Variants in XIRP2 observed in about 807,000 individuals in gnomAD.
XIRP2 encodes xin actin binding repeat containing 2.
Under a neutral mutation model 277.0 loss-of-function variants are expected in XIRP2, and 236 were observed. The ratio of observed to expected loss-of-function variants is 0.85; its 90% CI spans 0.77 to 0.95. The LOEUF is 0.95. Ranked by LOEUF, XIRP2 falls within the 40% of genes least tolerant of loss-of-function variation. The pLI is 0.00. For missense variants in XIRP2, 4,640 were observed against 4,157.5 expected (o/e 1.12, Z -3.19); for synonymous variants, 1,490 against 1,416.5 (o/e 1.05, Z -1.17).
chr2:167,247,952 T>C lies in XIRP2; in HGVS notation c.6560T>C (p.Leu2187Ser), dbSNP rs763956050. Residue 2187 changes from leucine (L) to serine (S), a missense_variant, in exon 9 of 11, where the codon TTG becomes TCG. Transcript: ENST00000409195. ...DLSGDFQKQT[L>S]LKQETKYSNK... ...TCAGGGGACTTTCAGAAGCAAACTT[T>C]GTTAAAGCAAGAAACAAAATATTCT... 1 of 1,609,146 alleles carries C rather than the reference T, an allele frequency of 6.2e-7. No individual in the cohort carries two copies. Among genetic ancestry groups the C allele is most frequent in the Non-Finnish European group, 8.5e-7 (1 of 1,178,722 alleles).
chr2:167,100,948 T>C (rs528642279), intron 2 of XIRP2, among the ~76,000 whole-genome samples: 13 of 152,324 alleles, frequency 8.5e-5, no homozygotes, highest in African/African-American at 3.1e-4. Context: ...CGACTTTCTT[T>C]TGCTTTTAGT....
At chr2:166,902,284 T>C (rs2105335360) in intron 1 of XIRP2, among the ~76,000 whole-genome samples, 1 of 152,236 alleles carries the variant, frequency 6.6e-6, no homozygotes, top group African/African-American at 2.4e-5. Context: ...AAACTATTGT[T>C]TAATGAACAC....
intron 1 of XIRP2, among the ~76,000 whole-genome samples, chr2:166,892,045 A>G (rs965046100): frequency 2.0e-5 from 3 of 152,150 alleles, no homozygotes; most frequent in African/African-American, 7.2e-5. Flanking sequence ...TATTGGGATC[A>G]TTAACTACTA....
At chr2:167,037,524 T>TGC (rs1688543835) in intron 2 of XIRP2, among the ~76,000 whole-genome samples, 2 of 148,788 alleles carry the variant, frequency 1.3e-5, no homozygotes, top group South Asian at 4.3e-4. Flanking sequence ...GGGGGGTGTG[T>TGC]GTGTGTGTGT....
At chr2:167,182,823 G>C (rs1360034289) in intron 3 of XIRP2, among the ~76,000 whole-genome samples, 5 of 151,810 alleles carry the variant, frequency 3.3e-5, no homozygotes, top group Non-Finnish European at 7.4e-5. Flanking sequence ...GAAAATTAAA[G>C]AAAGAAAAAA....
chr2:167,043,611 G>A (rs1488579512), intron 2 of XIRP2, among the ~76,000 whole-genome samples: 2 of 151,878 alleles, frequency 1.3e-5, no homozygotes, highest in South Asian at 2.1e-4. Context: ...ATAAAGTCTT[G>A]GAAACATACA....
At chr2:167,096,504 T>C (rs1335733639) in intron 2 of XIRP2, among the ~76,000 whole-genome samples, 2 of 152,198 alleles carry the variant, frequency 1.3e-5, no homozygotes, top group East Asian at 1.9e-4. Context: ...AACCAGCTCA[T>C]GAATTCATTG....
At chr2:166,977,113 T>A (rs1006002573) in intron 2 of XIRP2, among the ~76,000 whole-genome samples, 2 of 152,028 alleles carry the variant, frequency 1.3e-5, no homozygotes, top group Admixed American at 1.3e-4. Flanking sequence ...CTGTTGGTAT[T>A]TTTTTTTCCT....
chr2:166,895,755 G>A (rs116677169), intron 1 of XIRP2, among the ~76,000 whole-genome samples: 4,798 of 152,222 alleles, frequency 0.032, 107 homozygotes, highest in Middle Eastern at 0.061. Context: ...TGAATGCTGG[G>A]AAAGCCTTCT....
At chr2:166,957,468 A>G (rs1486594645) in intron 2 of XIRP2, among the ~76,000 whole-genome samples, 3 of 151,498 alleles carry the variant, frequency 2.0e-5, no homozygotes, top group Non-Finnish European at 4.4e-5. Flanking sequence ...TACATTTGTG[A>G]TTTAATAAAT....
intron 4 of XIRP2, among the ~76,000 whole-genome samples, chr2:167,213,619 C>T (rs537547924): frequency 1.4e-5 from 2 of 147,094 alleles, no homozygotes; most frequent in South Asian, 4.3e-4. Context: ...AAAGCAATTT[C>T]AGTTATGGGG....
chr2:167,035,477 G>C lies in XIRP2; in HGVS notation c.409-100432G>C, dbSNP rs577575860. Among the ~76,000 whole-genome samples the C allele has an allele frequency of 2.0e-5, 3 of 152,296 alleles. No homozygotes were observed. In the South Asian group the frequency reaches 6.2e-4, roughly 32 times the overall value. On this transcript the variant is annotated intron_variant, in intron 2 of 10. Transcript: ENST00000409195. ...AAGAGACTGGAGGCATTTTGCCCCT[G>C]CCTTAGGGATTTGTGAAACTTTGAA...
chr2:167,065,855 G>T (rs138215038), intron 2 of XIRP2, among the ~76,000 whole-genome samples: 2 of 151,924 alleles, frequency 1.3e-5, no homozygotes, highest in African/African-American at 4.8e-5. Flanking sequence ...GGGCCAACAG[G>T]TTTGATTGTT....
chr2:167,222,501 T>C (rs533261164), intron 5 of XIRP2, among the ~76,000 whole-genome samples: 2 of 152,324 alleles, frequency 1.3e-5, no homozygotes, highest in African/African-American at 4.8e-5. Flanking sequence ...CCAGTAGATA[T>C]AAATTAAACC....
chr2:167,081,163 T>C (rs1689718785), intron 2 of XIRP2, among the ~76,000 whole-genome samples: 1 of 152,024 alleles, frequency 6.6e-6, no homozygotes, highest in Non-Finnish European at 1.5e-5. Flanking sequence ...TTCCTTCCAA[T>C]GGAAAGGAAT....
At chr2:167,234,173 G>A (rs1288964383) in intron 5 of XIRP2, among the ~76,000 whole-genome samples, 2 of 151,266 alleles carry the variant, frequency 1.3e-5, no homozygotes, top group Non-Finnish European at 3.0e-5. Context: ...GTACTTTTAA[G>A]CCAATTATTT....
intron 4 of XIRP2, among the ~76,000 whole-genome samples, chr2:167,213,264 T>A (rs1385463143): frequency 6.6e-6 from 1 of 152,168 alleles, no homozygotes; most frequent in Non-Finnish European, 1.5e-5. Flanking sequence ...TTTACCTTTT[T>A]TAATACTCAC....
intron 2 of XIRP2, among the ~76,000 whole-genome samples, chr2:167,108,141 G>A (rs1249420864): frequency 6.6e-6 from 1 of 151,650 alleles, no homozygotes; most frequent in South Asian, 2.1e-4. Context: ...GTAGAAAATT[G>A]TTCATCATAT....
intron 2 of XIRP2, among the ~76,000 whole-genome samples, chr2:167,037,537 G>GTGTGTA (rs1688544191): frequency 6.6e-6 from 1 of 151,426 alleles, no homozygotes; most frequent in Admixed American, 6.6e-5. Context: ...GTGTGTGTGT[G>GTGTGTA]TGTGTGTGTG....
Sources: gnomAD v4.1 joint callset for allele counts (sites outside exome capture counted in the v4.1 genomes callset) on GRCh38, gnomAD v4.1.1 for gene constraint, MANE v1.5 for transcripts, NCBI Gene and HGNC (gene_info 2026-07-23, HGNC 2026-07-21) for gene names.